The following CRYM variants were observed in gnomAD, a reference collection of about 807,000 sequenced individuals.
The protein encoded by CRYM is ketimine reductase mu-crystallin.
Under a neutral mutation model 32.9 loss-of-function variants are expected in CRYM, and 18 were observed. The observed-to-expected ratio is 0.55, with a 90% confidence interval of 0.38 to 0.81. The LOEUF is 0.81. Among genes scored for constraint, CRYM ranks in the 30% least tolerant of loss-of-function variants. The pLI, the probability that CRYM is intolerant of heterozygous loss-of-function variation, is 0.00. For synonymous variants in CRYM, 153 were observed against 152.4 expected, an observed-to-expected ratio of 1.00 and a Z score of -0.03; for missense variants, 337 against 393.5, an observed-to-expected ratio of 0.86 and a Z score of 1.21.
chr16:21,298,275 A>G (rs1431414331), intron 1 of CRYM, among the ~76,000 whole-genome samples: 2 of 152,258 alleles, frequency 1.3e-5, no homozygotes, highest in African/African-American at 2.4e-5. Flanking sequence ...CAATGACCCA[A>G]AAATTCTACC....
intron 1 of CRYM, among the ~76,000 whole-genome samples, chr16:21,293,323 A>C (rs1224379199): frequency 6.6e-6 from 1 of 152,226 alleles, no homozygotes; most frequent in African/African-American, 2.4e-5. Context: ...CTTTGGATGC[A>C]CCAAGGGAAA....
intron 5 of CRYM, 199 bp from the exon 6 acceptor site, chr16:21,262,357 C>G (rs1035428856): frequency 7.4e-6 from 4 of 542,964 alleles, no homozygotes; most frequent in African/African-American, 1.9e-5. Context: ...GTGGCTCACA[C>G]CTGTAATCCC....
chr16:21,259,912 T>C (rs932264069), intron 7 of CRYM, among the ~76,000 whole-genome samples: 1 of 152,146 alleles, frequency 6.6e-6, no homozygotes, highest in Non-Finnish European at 1.5e-5. Context: ...ACAGAACAAG[T>C]TTCTGCAGCA....
At chr16:21,283,895 T>C (rs1423251321) in intron 1 of CRYM, 2 of 151,916 alleles carry the variant, frequency 1.3e-5, no homozygotes, top group Non-Finnish European at 2.9e-5. Flanking sequence ...TTGGGGAGGG[T>C]GTTGGGATGA....
intron 7 of CRYM, 89 bp downstream of exon 7, chr16:21,261,163 CAG>C (rs1406932763): frequency 2.2e-6 from 2 of 925,212 alleles, no homozygotes; most frequent in African/African-American, 1.6e-5. Context: ...GATTCAGCTG[CAG>C]AGTCTGGTGA....
intron 1 of CRYM, among the ~76,000 whole-genome samples, chr16:21,290,073 T>C (rs1330591324): frequency 6.6e-6 from 1 of 151,822 alleles, no homozygotes; most frequent in Non-Finnish European, 1.5e-5. Flanking sequence ...CAGTGTTCTG[T>C]AAAATGGACC....
intron 1 of CRYM, among the ~76,000 whole-genome samples, chr16:21,290,209 T>C (rs1203798343): frequency 6.6e-6 from 1 of 152,190 alleles, no homozygotes. Flanking sequence ...CAATAAGTCT[T>C]GCTGCTGCTC....
At chr16:21,270,292 C>CT (rs920452894) in intron 3 of CRYM, among the ~76,000 whole-genome samples, 47 of 149,786 alleles carry the variant, frequency 3.1e-4, no homozygotes, top group African/African-American at 5.6e-4. Flanking sequence ...TCTTTCTTTT[C>CT]TTTTTTTTTG....
Position 21,258,774 on chromosome 16 carries a change from CTTTGT to C in CRYM, c.*2_*6del, listed in dbSNP as rs749834549. The C allele has an allele frequency of 5.6e-6, 9 of 1,612,878 alleles. No individual in the cohort carries two copies. Among genetic ancestry groups the C allele is most frequent in the East Asian group, 2.2e-5 (1 of 44,874 alleles). On this transcript the variant is annotated 3_prime_UTR_variant, in exon 8 of 8. Transcript: ENST00000572914. ...AAGCATCCATCTCAACATCAAGTTC[CTTTGT>C]TTTATTTACCAGATGACCAGGAATC...
chr16:21,280,022 G>A (rs1309932320), upstream of CRYM, among the ~76,000 whole-genome samples: 3 of 152,170 alleles, frequency 2.0e-5, no homozygotes, highest in Non-Finnish European at 4.4e-5. Flanking sequence ...TTATAGAAAT[G>A]TTTCTGGCCC....
Position 21,258,787 on chromosome 16 carries a change from A to T in CRYM, c.939T>A (p.Gly313=). ...AACATCAAGTTCCTTTGTTTTATTTACCAGATGACCAGGAATCATAGATGA... is the reference window on the plus strand; with the variant it reads ...AACATCAAGTTCCTTTGTTTTATTTTCCAGATGACCAGGAATCATAGATGA... ...AKLIYDSWSS[G]K is the part of the protein sequence containing the mutation. Residue 313 remains glycine (G), a synonymous_variant, in exon 8 of 8, where the codon GGT becomes GGA. Coordinates refer to ENST00000572914, the MANE Select transcript of CRYM (RefSeq NM_001376256.1). 6.2e-7 allele frequency: 1 copy of T among 1,613,656 alleles called. No homozygotes were observed. Among genetic ancestry groups the T allele is most frequent in the East Asian group, 2.2e-5 (1 of 44,876 alleles).
chr16:21,277,626 T>C lies in CRYM; in HGVS notation c.171-42A>G. The C allele has an allele frequency of 6.2e-7, 1 of 1,609,780 alleles. No individual in the cohort carries two copies. The highest frequency in any genetic ancestry group is 8.5e-7 in the Non-Finnish European group (1 of 1,178,352). ...AGCAGCTTCAGCCCCTTCCCATCAA[T>C]GCTGGGGTCTCTTAGAAAGTATCCA... On this transcript the variant is annotated intron_variant, in intron 1 of 7. Coordinates refer to ENST00000572914, the MANE Select transcript of CRYM (RefSeq NM_001376256.1). This position sits in a 1 kb window ranked among gnomAD's most constrained non-coding sequence, Gnocchi z 4.2.
rs147948630 is a variant in CRYM, at chr16:21,271,983, C to T, written c.388-2092G>A. The stretch of plus-strand genomic sequence containing the variant: ...AAGCGATTCTCATGCCTCAGCCTCC[C>T]GAGTAGCTGGGATTACAGGTATGTG... On this transcript the variant is annotated intron_variant, in intron 3 of 7. Coordinates refer to ENST00000572914, the MANE Select transcript of CRYM (RefSeq NM_001376256.1). Among the ~76,000 whole-genome samples the T allele has an allele frequency of 7.9e-3, 1,202 of 151,858 alleles. 6 individuals are homozygous for T. Among genetic ancestry groups the T allele is most frequent in the Non-Finnish European group, 0.012 (843 of 67,960 alleles).
At chr16:21,295,120 G>A (rs1234071029) in intron 1 of CRYM, among the ~76,000 whole-genome samples, 8 of 152,136 alleles carry the variant, frequency 5.3e-5, no homozygotes, top group Admixed American at 3.3e-4. Flanking sequence ...ATAGTGCTGC[G>A]ATAAACATAC....
intron 1 of CRYM, among the ~76,000 whole-genome samples, chr16:21,301,745 C>G (rs973481745): frequency 6.6e-6 from 1 of 152,222 alleles, no homozygotes; most frequent in Admixed American, 6.5e-5. Flanking sequence ...CAGCCAGCTC[C>G]CGGCCGGGTC....
intron 5 of CRYM, among the ~76,000 whole-genome samples, chr16:21,266,749 A>G (rs953969055): frequency 1.3e-5 from 2 of 152,200 alleles, no homozygotes; most frequent in African/African-American, 4.8e-5. Flanking sequence ...ACTTGTAATC[A>G]GTCGCAGCAC....
intron 1 of CRYM, among the ~76,000 whole-genome samples, chr16:21,293,416 C>A (rs1001392887): frequency 6.6e-6 from 1 of 152,040 alleles, no homozygotes; most frequent in Non-Finnish European, 1.5e-5. Context: ...AAAGAGAATA[C>A]GGAACACAGT....
At chr16:21,285,589 T>G (rs1332251554) in intron 1 of CRYM, among the ~76,000 whole-genome samples, 2 of 152,258 alleles carry the variant, frequency 1.3e-5, no homozygotes, top group Non-Finnish European at 2.9e-5. Flanking sequence ...AGTCTGGTCA[T>G]CTCTGAAAAT....
chr16:21,260,301 T>C (rs939148948), intron 7 of CRYM, among the ~76,000 whole-genome samples: 1 of 148,328 alleles, frequency 6.7e-6, no homozygotes, highest in Non-Finnish European at 1.5e-5. Context: ...TCTGTTCCCA[T>C]GTACTTTATT....
Sources: gnomAD v4.1 joint callset for allele counts (sites outside exome capture counted in the v4.1 genomes callset) on GRCh38, gnomAD v4.1.1 for gene constraint, Gnocchi (gnomAD v3.1) non-coding constraint, MANE v1.5 for transcripts, NCBI Gene and HGNC (gene_info 2026-07-23, HGNC 2026-07-21) for gene names.